Variants in DYNC2LI1 observed in about 807,000 individuals in gnomAD.
The protein encoded by DYNC2LI1 is dynein cytoplasmic 2 light intermediate chain 1, also known as cytoplasmic dynein 2 light intermediate chain 1.
In DYNC2LI1, 45 loss-of-function variants were observed where a neutral mutation model predicts 51.9. The observed-to-expected ratio is 0.87, with a 90% CI of 0.68 to 1.11. DYNC2LI1 has a LOEUF of 1.11. Ranked by LOEUF, DYNC2LI1 falls within the 50% of genes most tolerant of loss-of-function variation. The probability of loss-of-function intolerance (pLI) is 0.00; values close to 1 mark genes in which losing one functional copy is unlikely to be tolerated. For synonymous variants in DYNC2LI1, 130 were observed against 137.8 expected (o/e 0.94, Z 0.40); for missense variants, 490 against 417.4 (o/e 1.17, Z -1.51).
At chr2:43,792,655 T>G in intron 5 of DYNC2LI1, 1 of 1,535,116 alleles carries the variant, frequency 6.5e-7, no homozygotes. Flanking sequence ...AAACAATAAC[T>G]CCTTGTTTTT....
At chr2:43,781,439 G>T (rs1673277160) in intron 2 of DYNC2LI1, among the ~76,000 whole-genome samples, 1 of 151,522 alleles carries the variant, frequency 6.6e-6, no homozygotes, top group Admixed American at 6.6e-5. Context: ...AAAATTTGAG[G>T]AAATTGGCTA....
At chr2:43,785,640 A>G (rs190355183) in intron 3 of DYNC2LI1, among the ~76,000 whole-genome samples, 2 of 152,194 alleles carry the variant, frequency 1.3e-5, no homozygotes, top group Non-Finnish European at 2.9e-5. Flanking sequence ...AGGCTGAGGC[A>G]TGGGAATCAC....
the DYNC2LI1 span, chr2:43,828,283 A>G: frequency 6.7e-6 from 6 of 897,154 alleles, no homozygotes; most frequent in Non-Finnish European, 8.7e-6. Flanking sequence ...AATATGATCC[A>G]ATTCGGCTTA....
intron 3 of DYNC2LI1, among the ~76,000 whole-genome samples, chr2:43,785,490 C>T (rs1383732903): frequency 1.3e-5 from 2 of 151,666 alleles, no homozygotes; most frequent in Non-Finnish European, 2.9e-5. Flanking sequence ...TCCCAGCACT[C>T]TGGGAGGCCG....
chr2:43,783,021 G>A (rs1180930198), intron 2 of DYNC2LI1, among the ~76,000 whole-genome samples: 1 of 151,878 alleles, frequency 6.6e-6, no homozygotes, highest in Non-Finnish European at 1.5e-5. Context: ...ACAGAAACTT[G>A]GAATAAGTAC....
chr2:43,794,764 C>T (rs559002219), intron 6 of DYNC2LI1, 121 bp downstream of exon 6: 1 of 1,552,642 alleles, frequency 6.4e-7, no homozygotes, highest in South Asian at 1.2e-5. Context: ...TGTAGATGAA[C>T]CTGTTCACTG....
intron 2 of DYNC2LI1, among the ~76,000 whole-genome samples, chr2:43,777,763 C>G (rs769005723): frequency 5.4e-4 from 83 of 152,302 alleles, no homozygotes; most frequent in Non-Finnish European, 9.4e-4. Flanking sequence ...AGATGAGTCC[C>G]AGAAGGCCCT....
intron 8 of DYNC2LI1, among the ~76,000 whole-genome samples, chr2:43,799,740 A>G (rs913032850): frequency 1.3e-5 from 2 of 152,230 alleles, no homozygotes; most frequent in Admixed American, 6.5e-5. Flanking sequence ...CCTATCTTCT[A>G]TGAAATATGT....
intron 2 of DYNC2LI1, among the ~76,000 whole-genome samples, chr2:43,781,093 G>A (rs527555974): frequency 1.1e-4 from 16 of 152,242 alleles, no homozygotes; most frequent in South Asian, 8.3e-4. Context: ...AAGGCCAGGC[G>A]TGGTGGCTCA....
chr2:43,782,892 G>C (rs1198112557), intron 2 of DYNC2LI1, among the ~76,000 whole-genome samples: 2 of 152,150 alleles, frequency 1.3e-5, no homozygotes, highest in Non-Finnish European at 2.9e-5. Context: ...TGAGGCACGA[G>C]AATCACTTGA....
intron 2 of DYNC2LI1, among the ~76,000 whole-genome samples, chr2:43,778,204 C>A (rs1217251338): frequency 6.6e-6 from 1 of 152,180 alleles, no homozygotes; most frequent in Non-Finnish European, 1.5e-5. Context: ...GCTCTGGTTG[C>A]CCAGGCTAGA....
chr2:43,800,999 G>A, intron 9 of DYNC2LI1, 82 bp downstream of exon 9: 3 of 766,782 alleles, frequency 3.9e-6, no homozygotes, highest in Admixed American at 5.8e-5. Context: ...GTTCTACTCA[G>A]TCTCTTGTGT....
the DYNC2LI1 span, chr2:43,825,157 T>A: frequency 2.9e-6 from 3 of 1,038,472 alleles, no homozygotes; most frequent in Non-Finnish European, 2.9e-6. Flanking sequence ...GCATTTCCCA[T>A]AAGCAGTCAG....
chr2:43,800,771 C>G, intron 8 of DYNC2LI1, 70 bp from the exon 9 acceptor site: 1 of 793,326 alleles, frequency 1.3e-6, no homozygotes, highest in East Asian at 2.8e-5. Context: ...TGTTCAAAGC[C>G]ATATTTATTT....
At chr2:43,814,660 C>A (rs1666702800), downstream of DYNC2LI1, 44 of 883,812 alleles carry the variant, frequency 5.0e-5, no homozygotes, top group South Asian at 6.4e-4. Context: ...AAAAGAAAGG[C>A]AATCCTTATA....
intron 2 of DYNC2LI1, 56 bp downstream of exon 2, chr2:43,776,955 T>G: frequency 1.1e-6 from 1 of 916,240 alleles, no homozygotes; most frequent in Non-Finnish European, 1.8e-6. Flanking sequence ...TGGTAAAATA[T>G]CTGTTAATAC....
chr2:43,802,471 AT>A (rs1439601858), intron 10 of DYNC2LI1, among the ~76,000 whole-genome samples: 1 of 151,720 alleles, frequency 6.6e-6, no homozygotes, highest in Non-Finnish European at 1.5e-5. Context: ...GAGATTATAG[AT>A]TAATTGGAAT....
chr2:43,816,233 T>C, the DYNC2LI1 span, among the ~76,000 whole-genome samples: 1 of 152,228 alleles, frequency 6.6e-6, no homozygotes, highest in Non-Finnish European at 1.5e-5. Context: ...GTCCAAGGCC[T>C]AATTGGGCTG....
At chr2:43,796,550 G>A (rs1356305365) in intron 7 of DYNC2LI1, among the ~76,000 whole-genome samples, 168 bp from the exon 8 acceptor site, 2 of 152,138 alleles carry the variant, frequency 1.3e-5, no homozygotes, top group African/African-American at 4.8e-5. Flanking sequence ...TAAGAAGGCT[G>A]CAGCTATTGT....
Sources: allele counts gnomAD v4.1 joint callset (sites outside exome capture counted in the v4.1 genomes callset), GRCh38; gene constraint gnomAD v4.1.1; transcripts MANE v1.5; gene names NCBI Gene and HGNC (gene_info 2026-07-23, HGNC 2026-07-21).